DPP6: variants seen among roughly 807,000 people sequenced by gnomAD.
DPP6 encodes A-type potassium channel modulatory protein DPP6.
In DPP6, 69 loss-of-function variants were observed where a neutral mutation model predicts 122.6. The observed-to-expected ratio is 0.56, with a 90% CI of 0.46 to 0.69. The LOEUF (loss-of-function observed/expected upper bound fraction) is 0.69. DPP6 is among the 30% of genes least tolerant of loss of function. The pLI, the probability that DPP6 is intolerant of heterozygous loss-of-function variation, is 0.00. For synonymous variants in DPP6, 418 were observed against 433.1 expected, an observed-to-expected ratio of 0.97 and a Z score of 0.43; for missense variants, 928 against 1,116.9, an observed-to-expected ratio of 0.83 and a Z score of 2.41.
intron 17 of DPP6, among the ~76,000 whole-genome samples, chr7:154,859,985 T>C (rs1803229861): frequency 6.6e-6 from 1 of 152,180 alleles, no homozygotes; most frequent in Non-Finnish European, 1.5e-5. Context: ...ATGTGGGAGC[T>C]TGGGATCACT....
chr7:154,543,873 A>G (rs1226613321), intron 4 of DPP6, among the ~76,000 whole-genome samples: 2 of 151,756 alleles, frequency 1.3e-5, no homozygotes, highest in Non-Finnish European at 2.9e-5. Flanking sequence ...GCATGCCTGT[A>G]ATCCCACCTA....
intron 1 of DPP6, among the ~76,000 whole-genome samples, chr7:154,257,386 G>T (rs1802725108): frequency 1.3e-5 from 2 of 151,996 alleles, no homozygotes; most frequent in Non-Finnish European, 2.9e-5. Context: ...ATGAAGGCAG[G>T]TCTCCCATTT....
At chr7:153,972,767 T>TC (rs1796087542) in intron 1 of DPP6, among the ~76,000 whole-genome samples, 2 of 151,260 alleles carry the variant, frequency 1.3e-5, no homozygotes, top group African/African-American at 4.9e-5. Flanking sequence ...TTTTTTTTTT[T>TC]TTGGAATGAA....
chr7:153,764,419 C>T, the DPP6 span, among the ~76,000 whole-genome samples: 1 of 151,954 alleles, frequency 6.6e-6, no homozygotes, highest in African/African-American at 2.4e-5. Context: ...TCCTCCCTGG[C>T]ATGTTCCTCG....
Position 154,888,679 on chromosome 7 carries a change from C to G in DPP6, c.2305-593C>G, listed in dbSNP as rs765432526. Among the ~76,000 whole-genome samples the G allele has an allele frequency of 2.6e-5, 4 of 152,148 alleles. No homozygotes were observed. In the East Asian group the frequency reaches 7.7e-4, roughly 29 times the overall value. On this transcript the variant is annotated intron_variant, in intron 23 of 25. Transcript: ENST00000377770. ...CTTTTTCCCTTCTTCTCTTCCACCCCCTCCTCTTCCAAAAAGGGAGTTAAT... is the reference window on the plus strand; with the variant it reads ...CTTTTTCCCTTCTTCTCTTCCACCCGCTCCTCTTCCAAAAAGGGAGTTAAT...
intron 1 of DPP6, among the ~76,000 whole-genome samples, chr7:154,086,827 C>G (rs1480823788): frequency 6.6e-6 from 1 of 152,108 alleles, no homozygotes; most frequent in Non-Finnish European, 1.5e-5. Flanking sequence ...CCATGTTGGC[C>G]AGGATGGTCT....
At chr7:154,583,893 C>G (rs1288363104) in intron 5 of DPP6, among the ~76,000 whole-genome samples, 1 of 152,142 alleles carries the variant, frequency 6.6e-6, no homozygotes, top group African/African-American at 2.4e-5. Flanking sequence ...GCAACATCAG[C>G]ACTTTAGGAA....
chr7:154,582,672 C>A (rs184474419), intron 5 of DPP6, among the ~76,000 whole-genome samples: 172 of 152,310 alleles, frequency 1.1e-3, no homozygotes, highest in Non-Finnish European at 2.1e-3. Context: ...TCTCTCCCAC[C>A]GCAAAATAAA....
chr7:154,136,970 A>C (rs377171549), intron 1 of DPP6, among the ~76,000 whole-genome samples: 1 of 152,216 alleles, frequency 6.6e-6, no homozygotes. Context: ...TTACCTATAG[A>C]TAGGGTTGGG....
intron 1 of DPP6, among the ~76,000 whole-genome samples, chr7:154,155,830 C>G (rs1796650309): frequency 6.6e-6 from 1 of 152,194 alleles, no homozygotes; most frequent in Non-Finnish European, 1.5e-5. Context: ...CAGCTCTCAG[C>G]CTCTGAGCCC....
At chr7:153,913,647 A>T (rs1020266799) in intron 1 of DPP6, among the ~76,000 whole-genome samples, 1 of 149,604 alleles carries the variant, frequency 6.7e-6, no homozygotes, top group Admixed American at 6.7e-5. Flanking sequence ...TTCTTTTGGC[A>T]AGGTAAAAGA....
At chr7:154,581,259 G>C (rs184876155) in intron 5 of DPP6, among the ~76,000 whole-genome samples, 1 of 152,134 alleles carries the variant, frequency 6.6e-6, no homozygotes, top group African/African-American at 2.4e-5. Flanking sequence ...TTGTTTGATC[G>C]TGCACTTGGG....
rs1435552557 is a variant in DPP6, at chr7:154,760,775, GACAAA to G, written c.884-8635_884-8631del. ...ACACAAATGAAGAGGAAAGAGAGAA[GACAAA>G]ACAAAAAGAAGGGTAAAGGAGCCTG... is the stretch of plus-strand genomic sequence containing the variant. On this transcript the variant is annotated intron_variant, in intron 8 of 25. Coordinates refer to ENST00000377770, the MANE Select transcript of DPP6 (RefSeq NM_130797.4). The surrounding 1 kb of genome is among the most constrained non-coding windows in gnomAD (Gnocchi z 4.5). 6.6e-6 allele frequency among the ~76,000 whole-genome samples: 1 copy of G among 150,648 alleles called. No homozygotes were observed. Among genetic ancestry groups the G allele is most frequent in the Non-Finnish European group, 1.5e-5 (1 of 67,800 alleles).
At chr7:154,117,884 G>A (rs1399030022) in intron 1 of DPP6, among the ~76,000 whole-genome samples, 16 of 152,058 alleles carry the variant, frequency 1.1e-4, no homozygotes, top group Non-Finnish European at 8.8e-5. Context: ...GGGATTTTCC[G>A]CTCACGGTAG....
intron 1 of DPP6, among the ~76,000 whole-genome samples, chr7:154,247,282 C>T (rs1270502862): frequency 1.3e-5 from 2 of 152,094 alleles, no homozygotes; most frequent in East Asian, 1.9e-4. Context: ...TACTGCACTC[C>T]AGCCTGGGCG....
intron 1 of DPP6, among the ~76,000 whole-genome samples, chr7:153,893,257 C>T (rs1584993442): frequency 6.6e-6 from 1 of 152,214 alleles, no homozygotes; most frequent in East Asian, 1.9e-4. Context: ...GTTGCACAGC[C>T]ATCATCTCCT....
chr7:154,673,247 C>T (rs1432948681), intron 7 of DPP6, among the ~76,000 whole-genome samples: 1 of 152,188 alleles, frequency 6.6e-6, no homozygotes, highest in Non-Finnish European at 1.5e-5. Flanking sequence ...AGTAATTCTC[C>T]TTTGGGAGCA....
the DPP6 span, among the ~76,000 whole-genome samples, chr7:153,807,428 CA>C: frequency 0.012 from 1,585 of 137,320 alleles, 31 homozygotes; most frequent in East Asian, 0.035. Context: ...AACAAACAAA[CA>C]AAAAAAAAAA....
At chr7:154,718,954 C>T (rs1396687252) in intron 7 of DPP6, among the ~76,000 whole-genome samples, 1 of 152,122 alleles carries the variant, frequency 6.6e-6, no homozygotes, top group East Asian at 1.9e-4. Context: ...TGGGTCACAT[C>T]TAGGAAATGA....
Sources: gnomAD v4.1 joint callset for allele counts (sites outside exome capture counted in the v4.1 genomes callset) on GRCh38, gnomAD v4.1.1 for gene constraint, Gnocchi (gnomAD v3.1) non-coding constraint, MANE v1.5 for transcripts, NCBI Gene and HGNC (gene_info 2026-07-23, HGNC 2026-07-21) for gene names.